CRYL1: variants seen among roughly 807,000 people sequenced by gnomAD.
CRYL1 encodes crystallin lambda 1.
In CRYL1, 29 loss-of-function variants were observed where a neutral mutation model predicts 36.6. That is an observed-to-expected ratio of 0.79 (90% confidence interval 0.59 to 1.08). The LOEUF (loss-of-function observed/expected upper bound fraction) is 1.08, where lower values mean the gene tolerates loss of function less well. CRYL1 is among the 50% of genes least tolerant of loss of function. CRYL1 has a pLI of 0.00. For missense variants in CRYL1, 411 were observed against 407.9 expected (o/e 1.01, Z -0.06); for synonymous variants, 152 against 151.5 (o/e 1.00, Z -0.02).
chr13:20,500,617 A>G (rs1445249993), intron 2 of CRYL1, among the ~76,000 whole-genome samples: 3 of 152,202 alleles, frequency 2.0e-5, no homozygotes, highest in African/African-American at 7.2e-5. Flanking sequence ...AAAGTGGTAG[A>G]CTGGAGAAAA....
At chr13:20,431,316 C>A in intron 5 of CRYL1, 1 of 985,432 alleles carries the variant, frequency 1.0e-6, no homozygotes, top group Non-Finnish European at 1.2e-6. Context: ...CCTCCCTACG[C>A]GGTGCAGCTG....
In CRYL1 at chr13:20,456,647, G is replaced by A. The variant is rs893717268; in HGVS notation, c.277-16893C>T. On this transcript the variant is annotated intron_variant, in intron 3 of 7. Transcript: ENST00000298248. ...ACACACACACACACACAAAGACCAC[G>A]ATTCTTAAAACACACACACACACAC... Among the ~76,000 whole-genome samples, 326 of 84,566 alleles carry A rather than the reference G, an allele frequency of 3.9e-3. 1 individual carries two copies. The highest frequency in any genetic ancestry group is 6.7e-3 in the Middle Eastern group (1 of 150). The allele number at this position is 84,566 out of a possible 152,430, so 55.5% of individuals were successfully genotyped here.
intron 5 of CRYL1, chr13:20,426,978 C>T (rs1296559875): frequency 2.0e-6 from 2 of 985,620 alleles, no homozygotes; most frequent in Non-Finnish European, 2.4e-6. Flanking sequence ...AGCTCATCAC[C>T]ACCAACTCAC....
At chr13:20,491,968 G>A (rs2137476598) in intron 2 of CRYL1, among the ~76,000 whole-genome samples, 1 of 152,276 alleles carries the variant, frequency 6.6e-6, no homozygotes, top group Middle Eastern at 3.4e-3. Flanking sequence ...CTGGTCCAAG[G>A]TAAGTGCCAG....
At chr13:20,440,751 T>C (rs1045294192) in intron 3 of CRYL1, among the ~76,000 whole-genome samples, 5 of 152,214 alleles carry the variant, frequency 3.3e-5, no homozygotes, top group Non-Finnish European at 5.9e-5. Context: ...CCATTTCTAA[T>C]TGGAGGTCCT....
At chr13:20,447,682 C>T (rs113714674) in intron 3 of CRYL1, among the ~76,000 whole-genome samples, 2,420 of 152,246 alleles carry the variant, frequency 0.016, 67 homozygotes, top group African/African-American at 0.055. Context: ...AAAAACCCCA[C>T]AAAACCCTCT....
chr13:20,438,259 C>T (rs1002802205), intron 4 of CRYL1, among the ~76,000 whole-genome samples: 5 of 152,190 alleles, frequency 3.3e-5, no homozygotes, highest in Admixed American at 1.3e-4. Flanking sequence ...GTTACCTCCA[C>T]ATTCTAAATG....
intron 5 of CRYL1, among the ~76,000 whole-genome samples, chr13:20,429,291 C>G (rs2032001121): frequency 6.6e-6 from 1 of 152,212 alleles, no homozygotes; most frequent in Non-Finnish European, 1.5e-5. Context: ...TTGGAAAACA[C>G]CAAATCTAAG....
intron 3 of CRYL1, among the ~76,000 whole-genome samples, chr13:20,452,213 T>TA (rs1191272851): frequency 1.3e-5 from 1 of 77,762 alleles, no homozygotes; most frequent in African/African-American, 4.8e-5. Flanking sequence ...AAACAAAAAG[T>TA]AAAAAAGAGG....
intron 3 of CRYL1, among the ~76,000 whole-genome samples, chr13:20,449,063 G>A (rs760145149): frequency 4.6e-5 from 7 of 152,210 alleles, no homozygotes; most frequent in Non-Finnish European, 1.0e-4. Context: ...AGCTACTCAG[G>A]AGGCTGAGGC....
intron 4 of CRYL1, among the ~76,000 whole-genome samples, chr13:20,433,209 C>A (rs1427312514): frequency 2.6e-5 from 4 of 152,092 alleles, no homozygotes; most frequent in Non-Finnish European, 5.9e-5. Flanking sequence ...GTGAGCATGC[C>A]CCAAGGGAGG....
intron 6 of CRYL1, among the ~76,000 whole-genome samples, chr13:20,411,692 ACT>A (rs1487759348): frequency 6.6e-6 from 1 of 152,060 alleles, no homozygotes; most frequent in Non-Finnish European, 1.5e-5. Flanking sequence ...ATACAAGAAA[ACT>A]CTTGTTTCAC....
At chr13:20,464,445 G>A (rs1216628116) in intron 3 of CRYL1, among the ~76,000 whole-genome samples, 5 of 152,108 alleles carry the variant, frequency 3.3e-5, no homozygotes, top group Non-Finnish European at 5.9e-5. Context: ...ATACAAAATA[G>A]TGTTACTGTT....
chr13:20,509,799 A>C (rs7322760), intron 2 of CRYL1, among the ~76,000 whole-genome samples: 3 of 151,950 alleles, frequency 2.0e-5, no homozygotes, highest in Non-Finnish European at 4.4e-5. Context: ...GCGTAGTGGC[A>C]GTCGCCTGTA....
At position 20,404,223 on chromosome 13, in the gene CRYL1, G is replaced by A; in HGVS notation, c.866C>T (p.Pro289Leu). 1 of 1,612,834 alleles carries A rather than the reference G, an allele frequency of 6.2e-7. No homozygotes were observed. The highest frequency in any genetic ancestry group is 8.5e-7 in the Non-Finnish European group (1 of 1,179,054). Residue 289 changes from proline to leucine, a missense_variant, in exon 8 of 8, where the codon CCT (proline) becomes CTT (leucine). Physicochemically the swap from Pro to Leu is moderately conservative, Grantham distance 98. Transcript: ENST00000298248. The stretch of plus-strand genomic sequence containing the variant: ...GGCAGCTAAGTGCTCCGGGTCATCA[G>A]GGACCTTCATGCACATGTCCTGCAA... Reference protein sequence around the residue: ...KVNQDMCMKVPDDPEHLAARR... With the variant: ...KVNQDMCMKVLDDPEHLAARR...
At chr13:20,427,189 C>T (rs1037017096) in intron 5 of CRYL1, 7 of 985,374 alleles carry the variant, frequency 7.1e-6, no homozygotes, top group Non-Finnish European at 8.4e-6. Flanking sequence ...AATAAGATCA[C>T]GTGACCCAGG....
At chr13:20,513,360 T>G (rs2033947627) in intron 1 of CRYL1, 1 of 152,256 alleles carries the variant, frequency 6.6e-6, no homozygotes, top group African/African-American at 2.4e-5. Context: ...ATCTGCCCTG[T>G]CCTCCCCAAT....
Position 20,427,323 on chromosome 13 carries a change from C to T in CRYL1, c.633+4779G>A, listed in dbSNP as rs932932358. ...GAAGCCAACTGGAAGAGAAACAAAA[C>T]GGAGTGAACATCTGTGAGATGGCAC... On this transcript the variant is annotated intron_variant, in intron 5 of 7. Transcript: ENST00000298248. 1.0e-5 allele frequency: 10 copies of T among 985,206 alleles called. No homozygotes were observed. In the East Asian group the frequency reaches 3.4e-4, roughly 34 times the overall value. The allele number at this position is 985,206 out of a possible 1,614,324, so 61.0% of individuals were successfully genotyped here.
chr13:20,507,886 C>T (rs905734574), intron 2 of CRYL1, among the ~76,000 whole-genome samples: 1 of 151,244 alleles, frequency 6.6e-6, no homozygotes, highest in South Asian at 2.1e-4. Context: ...CCACTGCACT[C>T]CAGCCTGGGC....
Sources: gnomAD v4.1 joint callset for allele counts (sites outside exome capture counted in the v4.1 genomes callset) on GRCh38, gnomAD v4.1.1 for gene constraint, MANE v1.5 for transcripts, NCBI Gene and HGNC (gene_info 2026-07-23, HGNC 2026-07-21) for gene names.